The following TESC variants were observed in gnomAD, a reference collection of about 807,000 sequenced individuals.
The protein encoded by TESC is calcineurin B homologous protein 3.
Under a neutral mutation model 31.0 loss-of-function variants are expected in TESC, and 19 were observed. That is an observed-to-expected ratio of 0.61 (90% CI 0.43 to 0.90). The LOEUF (loss-of-function observed/expected upper bound fraction) is 0.90, where lower values mean the gene tolerates loss of function less well. Among genes scored for constraint, TESC ranks in the 40% least tolerant of loss-of-function variants. TESC has a pLI of 0.00. For missense variants in TESC, 248 were observed against 303.8 expected, an observed-to-expected ratio of 0.82 and a Z score of 1.36; for synonymous variants, 109 against 114.8, an observed-to-expected ratio of 0.95 and a Z score of 0.32.
At chr12:117,073,468 G>A (rs368038969) in intron 2 of TESC, among the ~76,000 whole-genome samples, 3 of 152,218 alleles carry the variant, frequency 2.0e-5, no homozygotes, top group African/African-American at 7.2e-5. Context: ...GAGACCGTCA[G>A]AATCTGAGCT....
At chr12:117,059,236 G>A (rs1954769965) in intron 2 of TESC, among the ~76,000 whole-genome samples, 1 of 152,244 alleles carries the variant, frequency 6.6e-6, no homozygotes, top group Non-Finnish European at 1.5e-5. Context: ...AACGCCTTGT[G>A]GCCCCTGTGC....
In TESC at chr12:117,056,823, A is replaced by G. The variant is rs773288508; in HGVS notation, c.192T>C (p.Arg64=). 1.2e-6 allele frequency: 2 copies of G among 1,614,192 alleles called. No homozygotes were observed. The highest frequency in any genetic ancestry group is 2.2e-5 in the South Asian group (2 of 91,074). ...ACGCCCACCTGTTGTCGAAGAAGGC[A>G]CGAACAATTTTGGATCGGATGGGGT... ...ELNPIRSKIV[R]AFFDNRNLRK... is the part of the protein sequence containing the mutation. The change falls in exon 3 of 8, where the codon CGT becomes CGC. Residue 64 remains arginine, a synonymous_variant. Transcript: ENST00000335209.
chr12:117,096,699 C>T (rs1955401181), intron 1 of TESC, among the ~76,000 whole-genome samples: 1 of 152,344 alleles, frequency 6.6e-6, no homozygotes, highest in East Asian at 1.9e-4. Flanking sequence ...GTAGATAAAA[C>T]TGAGGCTCAG....
chr12:117,053,750 G>A (rs936670619), intron 3 of TESC, among the ~76,000 whole-genome samples: 14 of 151,830 alleles, frequency 9.2e-5, no homozygotes, highest in Admixed American at 2.0e-4. Context: ...GCGCGCACGC[G>A]CACACACACA....
chr12:117,055,748 G>A (rs537063733), intron 3 of TESC, among the ~76,000 whole-genome samples: 1 of 152,320 alleles, frequency 6.6e-6, no homozygotes, highest in East Asian at 1.9e-4. Context: ...GCTGAATCCG[G>A]AAACAGAGCC....
intron 3 of TESC, among the ~76,000 whole-genome samples, chr12:117,055,074 G>T (rs1376093149): frequency 2.6e-5 from 4 of 152,178 alleles, no homozygotes; most frequent in Non-Finnish European, 4.4e-5. Context: ...ACACCTCTTT[G>T]TAAGCTTCAC....
In TESC at chr12:117,056,788, T is replaced by C. The variant is rs1339674762; in HGVS notation, c.209+18A>G. ...CAAGGGTGCCTGCCACTGGGCTGGT[T>C]CAGGGGAAAACGCCCACCTGTTGTC... On this transcript the variant is annotated intron_variant, in intron 3 of 7. Transcript: ENST00000335209. The C allele has an allele frequency of 6.2e-7, 1 of 1,613,606 alleles. No homozygotes were observed. Among genetic ancestry groups the C allele is most frequent in the Admixed American group, 1.7e-5 (1 of 59,994 alleles).
intron 1 of TESC, among the ~76,000 whole-genome samples, chr12:117,075,913 A>ATATATATATGTGTGTGTG (rs1265957613): frequency 1.9e-5 from 1 of 51,964 alleles, no homozygotes; most frequent in African/African-American, 1.0e-4. Context: ...ATATATATAT[A>ATATATATATGTGTGTGTG]TGTGTGTGTG....
At chr12:117,063,803 G>A (rs1365844259) in intron 2 of TESC, among the ~76,000 whole-genome samples, 2 of 152,300 alleles carry the variant, frequency 1.3e-5, no homozygotes, top group South Asian at 4.1e-4. Context: ...GGAAGCTGAG[G>A]CCCCATGGAG....
chr12:117,052,690 C>G (rs1175393274), intron 3 of TESC, among the ~76,000 whole-genome samples: 1 of 152,166 alleles, frequency 6.6e-6, no homozygotes, highest in Non-Finnish European at 1.5e-5. Flanking sequence ...AACGACAGCT[C>G]TGTCAGGCAG....
chr12:117,047,524 G>A (rs1179621426), intron 4 of TESC, among the ~76,000 whole-genome samples: 1 of 151,974 alleles, frequency 6.6e-6, no homozygotes, highest in African/African-American at 2.4e-5. Context: ...TCCTGGGTTC[G>A]AGAGATTCTC....
intron 1 of TESC, among the ~76,000 whole-genome samples, chr12:117,087,740 G>A (rs1955237491): frequency 1.3e-5 from 2 of 152,244 alleles, no homozygotes; most frequent in Non-Finnish European, 2.9e-5. Context: ...CTACTTGGGA[G>A]GCTGAGGCAG....
At chr12:117,042,143 G>A (rs992544246) in intron 6 of TESC, 149 bp from the exon 7 acceptor site, 3 of 766,692 alleles carry the variant, frequency 3.9e-6, no homozygotes, top group South Asian at 1.7e-5. Context: ...AGAGGAGAAC[G>A]TTCTGGATCG....
At position 117,039,033 on chromosome 12, in the gene TESC, C is replaced by T. The variant is rs760397322; in HGVS notation, c.*100G>A. 69 of 1,331,940 alleles carry T rather than the reference C, an allele frequency of 5.2e-5. 2 individuals are homozygous for T. Among genetic ancestry groups the T allele is most frequent in the Admixed American group, 1.6e-4 (8 of 50,932 alleles). The allele number at this position is 1,331,940 out of a possible 1,614,324, so 82.5% of individuals were successfully genotyped here. A position where few individuals can be genotyped will look rare whatever the true frequency, so the allele number is the denominator to read the frequency against. ...CAGACGAGCCTTGGCTATGTACCGG[C>T]GCTGCAGGAAGAGGCTGTCCGCCGG... On this transcript the variant is annotated 3_prime_UTR_variant, in exon 8 of 8. Transcript: ENST00000335209.
intron 1 of TESC, among the ~76,000 whole-genome samples, chr12:117,081,525 TC>T: frequency 6.6e-6 from 1 of 152,268 alleles, no homozygotes; most frequent in South Asian, 2.1e-4. Flanking sequence ...CAGAACTTGA[TC>T]CCTAGGAACA....
chr12:117,090,731 G>A (rs1955295257), intron 1 of TESC, among the ~76,000 whole-genome samples: 1 of 152,202 alleles, frequency 6.6e-6, no homozygotes, highest in Non-Finnish European at 1.5e-5. Context: ...GTCCTTGGGG[G>A]GATGCAGGCA....
intron 1 of TESC, among the ~76,000 whole-genome samples, chr12:117,096,809 A>G (rs897506974): frequency 1.3e-5 from 2 of 152,070 alleles, no homozygotes; most frequent in African/African-American, 4.8e-5. Flanking sequence ...CATCTCATGC[A>G]TTCTTATTTA....
intron 6 of TESC, among the ~76,000 whole-genome samples, chr12:117,044,912 AAAAG>A (rs1954535141): frequency 7.8e-6 from 1 of 128,932 alleles, no homozygotes; most frequent in Non-Finnish European, 1.7e-5. Flanking sequence ...AAAAAGAAAA[AAAAG>A]AGAGAGAGAC....
At chr12:117,069,896 T>G (rs1486583805) in intron 2 of TESC, among the ~76,000 whole-genome samples, 2 of 152,218 alleles carry the variant, frequency 1.3e-5, no homozygotes, top group African/African-American at 4.8e-5. Flanking sequence ...ACTTTTGCAT[T>G]CAAGGTCTTC....
Sources: gnomAD v4.1 joint callset for allele counts (sites outside exome capture counted in the v4.1 genomes callset) on GRCh38, gnomAD v4.1.1 for gene constraint, MANE v1.5 for transcripts, NCBI Gene and HGNC (gene_info 2026-07-23, HGNC 2026-07-21) for gene names.